Variants in CCDC178 observed in about 807,000 individuals in gnomAD.
The protein encoded by CCDC178 is coiled-coil domain containing 178, also known as coiled-coil domain-containing protein 178.
Under a neutral mutation model 117.4 loss-of-function variants are expected in CCDC178, and 126 were observed. The ratio of observed to expected loss-of-function variants is 1.07; its 90% CI spans 0.93 to 1.24. CCDC178 has a LOEUF of 1.24. Among genes scored for constraint, CCDC178 ranks in the 50% most tolerant of loss-of-function variants. The pLI is 0.00. For missense variants in CCDC178, 1,030 were observed against 986.9 expected (o/e 1.04, Z -0.59); for synonymous variants, 283 against 313.4 (o/e 0.90, Z 1.02).
intron 3 of CCDC178, among the ~76,000 whole-genome samples, chr18:33,407,143 T>C (rs887721972): frequency 1.3e-5 from 2 of 152,168 alleles, no homozygotes; most frequent in African/African-American, 4.8e-5. Context: ...AGACAGGACC[T>C]GGAGAGCTGT....
chr18:33,329,410 A>G (rs2062633054), intron 10 of CCDC178, among the ~76,000 whole-genome samples: 1 of 152,168 alleles, frequency 6.6e-6, no homozygotes, highest in Admixed American at 6.5e-5. Context: ...CATTATTTTC[A>G]GTATTACCTG....
intron 3 of CCDC178, among the ~76,000 whole-genome samples, chr18:33,399,923 GC>G (rs2063688398): frequency 6.6e-6 from 1 of 152,032 alleles, no homozygotes. Flanking sequence ...GGTAGCTATA[GC>G]TTTATGAAAT....
chr18:33,251,626 T>C (rs1354288266), intron 14 of CCDC178, among the ~76,000 whole-genome samples: 2 of 151,760 alleles, frequency 1.3e-5, no homozygotes, highest in Non-Finnish European at 3.0e-5. Context: ...ATAAAGTTTG[T>C]AGAAACAAGA....
intron 3 of CCDC178, among the ~76,000 whole-genome samples, chr18:33,406,795 A>T (rs1006080402): frequency 1.3e-5 from 2 of 152,154 alleles, no homozygotes; most frequent in East Asian, 3.9e-4. Context: ...CAAAGAAAGG[A>T]AACAGGTAAC....
intron 11 of CCDC178, among the ~76,000 whole-genome samples, chr18:33,312,684 A>G (rs2062359151): frequency 6.6e-6 from 1 of 152,166 alleles, no homozygotes; most frequent in African/African-American, 2.4e-5. Flanking sequence ...CAGAAAGTTA[A>G]CCTTTGTGCA....
At chr18:33,319,523 G>C (rs1287126072) in intron 11 of CCDC178, among the ~76,000 whole-genome samples, 1 of 152,104 alleles carries the variant, frequency 6.6e-6, no homozygotes, top group Non-Finnish European at 1.5e-5. Flanking sequence ...TGTCTTTATA[G>C]CAGCATGATT....
intron 22 of CCDC178, among the ~76,000 whole-genome samples, chr18:32,943,914 C>T (rs557650791): frequency 2.1e-4 from 32 of 152,282 alleles, no homozygotes; most frequent in South Asian, 4.1e-4. Flanking sequence ...AATGAGATCT[C>T]GTAGTTACTT....
chr18:33,203,982 T>C (rs185768058), intron 20 of CCDC178, among the ~76,000 whole-genome samples: 8 of 152,258 alleles, frequency 5.3e-5, no homozygotes, highest in East Asian at 3.9e-4. Flanking sequence ...CTTGAACAAA[T>C]AACCTCAAAA....
Position 33,245,245 on chromosome 18 carries a change from C to G in CCDC178, c.1593G>C (p.Lys531Asn), listed in dbSNP as rs199513871. 1 of 1,579,320 alleles carries G rather than the reference C, an allele frequency of 6.3e-7. No individual in the cohort carries two copies. The highest frequency in any genetic ancestry group is 2.3e-5 in the East Asian group (1 of 43,776). The change falls in exon 15 of 23, where the codon AAG becomes AAC. Residue 531 changes from lysine to asparagine, a missense_variant and splice_region_variant. Coordinates refer to ENST00000383096, the MANE Select transcript of CCDC178 (RefSeq NM_001105528.4). ...TAAGAGGAACACAAAGATACACAAC[C>G]TTGAACTTTCTTCTCACTTCTGCTA... is the stretch of plus-strand genomic sequence containing the variant. ...DKIAEVRRKF[K>N]GREEFLKKLT...
At chr18:33,333,856 C>T (rs2062706445) in intron 9 of CCDC178, among the ~76,000 whole-genome samples, 1 of 152,070 alleles carries the variant, frequency 6.6e-6, no homozygotes, top group Non-Finnish European at 1.5e-5. Flanking sequence ...AAATATATTA[C>T]TTTCTTAATT....
In CCDC178 at chr18:33,189,718, T is replaced by C. The variant is rs1002867488; in HGVS notation, c.2238+22178A>G. On this transcript the variant is annotated intron_variant, in intron 20 of 22. Transcript: ENST00000383096. ...AAGCAAAACGTATTTTTTAAAGGCA[T>C]GTGTGGATGTCAAGCTCAAAAGGGT... 3.3e-5 allele frequency among the ~76,000 whole-genome samples: 5 copies of C among 152,298 alleles called. No homozygotes were observed. In the South Asian group the frequency reaches 8.3e-4, roughly 25 times the overall value.
intron 21 of CCDC178, among the ~76,000 whole-genome samples, chr18:33,036,741 A>G (rs1368317197): frequency 6.6e-6 from 1 of 151,954 alleles, no homozygotes; most frequent in Non-Finnish European, 1.5e-5. Flanking sequence ...ATGATTGGGA[A>G]AGTTTGGATT....
At position 33,334,798 on chromosome 18, in the gene CCDC178, T is replaced by C. The variant is rs994461034; in HGVS notation, c.659-1404A>G. ...AAGCCCCACGGCCCTATGTATATAT[T>C]TATTTATTTTGTGAGGAAGGATTTT... On this transcript the variant is annotated intron_variant, in intron 9 of 22. Coordinates refer to ENST00000383096, the MANE Select transcript of CCDC178 (RefSeq NM_001105528.4). Among the ~76,000 whole-genome samples the C allele has an allele frequency of 3.9e-5, 6 of 152,044 alleles. No individual in the cohort carries two copies. The South Asian group carries it at 6.2e-4, about 16-fold the overall frequency.
At chr18:32,981,582 A>T (rs79201405) in intron 21 of CCDC178, among the ~76,000 whole-genome samples, 1 of 152,338 alleles carries the variant, frequency 6.6e-6, no homozygotes, top group Non-Finnish European at 1.5e-5. Flanking sequence ...CAAGAAAGGC[A>T]TCCTCCACAT....
rs1406116018 is a variant in CCDC178 at position 33,417,165 on chromosome 18, CA to C, written c.-22-5056del. The stretch of plus-strand genomic sequence containing the variant: ...TGAATATTCTTAGCAGTTTTGTCCA[CA>C]ATAGCCAAAACCTGCACGCTACCTA... On this transcript the variant is annotated intron_variant, in intron 2 of 22. Coordinates refer to ENST00000383096, the MANE Select transcript of CCDC178 (RefSeq NM_001105528.4). 3.3e-5 allele frequency among the ~76,000 whole-genome samples: 5 copies of C among 152,198 alleles called. No individual in the cohort carries two copies. In the East Asian group the frequency reaches 7.7e-4, roughly 24 times the overall value.
chr18:33,071,348 A>G (rs1471977297), intron 21 of CCDC178, among the ~76,000 whole-genome samples: 3 of 152,130 alleles, frequency 2.0e-5, no homozygotes, highest in Non-Finnish European at 4.4e-5. Flanking sequence ...TATTATTATA[A>G]AGGTATTTTT....
At chr18:33,120,108 C>A (rs1227936538) in intron 20 of CCDC178, among the ~76,000 whole-genome samples, 26 of 151,852 alleles carry the variant, frequency 1.7e-4, no homozygotes, top group Admixed American at 6.6e-4. Context: ...TGGGTGCAGC[C>A]CACCAACATG....
intron 21 of CCDC178, among the ~76,000 whole-genome samples, chr18:33,063,348 G>C (rs1015315049): frequency 6.6e-6 from 1 of 152,142 alleles, no homozygotes; most frequent in Non-Finnish European, 1.5e-5. Flanking sequence ...ATACCTTCCA[G>C]GGGACTGAGG....
chr18:32,941,706 T>A (rs893922580), intron 22 of CCDC178, among the ~76,000 whole-genome samples: 5 of 152,144 alleles, frequency 3.3e-5, no homozygotes, highest in Non-Finnish European at 7.4e-5. Context: ...GTGCAGATGG[T>A]AAAGGTATGG....
Sources: allele counts gnomAD v4.1 joint callset (sites outside exome capture counted in the v4.1 genomes callset), GRCh38; gene constraint gnomAD v4.1.1; transcripts MANE v1.5; gene names NCBI Gene and HGNC (gene_info 2026-07-23, HGNC 2026-07-21).